Variants in SFXN1 observed in about 807,000 individuals in gnomAD.
The protein encoded by SFXN1 is sideroflexin-1.
In SFXN1, 32 loss-of-function variants were observed where a neutral mutation model predicts 39.5. The observed-to-expected ratio is 0.81, with a 90% CI of 0.61 to 1.09. The LOEUF is 1.09. Among genes scored for constraint, SFXN1 ranks in the 50% least tolerant of loss-of-function variants. The pLI is 0.00. For missense variants in SFXN1, 402 were observed against 407.1 expected (o/e 0.99, Z 0.11); for synonymous variants, 136 against 146.5 (o/e 0.93, Z 0.52).
At chr5:175,501,093 G>C (rs1002222316) in intron 2 of SFXN1, among the ~76,000 whole-genome samples, 1 of 128,196 alleles carries the variant, frequency 7.8e-6, no homozygotes, top group African/African-American at 3.2e-5. Context: ...TTTTGAGACA[G>C]AGTCTCGCTC....
Position 175,510,938 on chromosome 5 carries a change from AAGAG to A in SFXN1, c.435-509_435-506del, listed in dbSNP as rs562519523. Among the ~76,000 whole-genome samples, 13 of 152,350 alleles carry A rather than the reference AAGAG, an allele frequency of 8.5e-5. No homozygotes were observed. The South Asian group carries it at 2.5e-3, about 29-fold the overall frequency. ...TTGCAATTAAAATTTCTTTTAAAAGAAGAGAGAATTGCTTGGGCTTTATAGTTTT... is the reference window on the plus strand; with the variant it reads ...TTGCAATTAAAATTTCTTTTAAAAGAAGAATTGCTTGGGCTTTATAGTTTT... On this transcript the variant is annotated intron_variant, in intron 4 of 10. Coordinates refer to ENST00000321442, the MANE Select transcript of SFXN1 (RefSeq NM_022754.7).
At chr5:175,517,105 G>C (rs979128183) in intron 8 of SFXN1, among the ~76,000 whole-genome samples, 6 of 152,176 alleles carry the variant, frequency 3.9e-5, no homozygotes, top group African/African-American at 1.4e-4. Flanking sequence ...TGGGCATGTT[G>C]CATAAGTTTC....
intron 8 of SFXN1, among the ~76,000 whole-genome samples, chr5:175,519,184 C>G (rs1760804830): frequency 6.6e-6 from 1 of 152,138 alleles, no homozygotes; most frequent in Non-Finnish European, 1.5e-5. Context: ...ATGTCAAAAA[C>G]TAAAAAGATT....
intron 3 of SFXN1, 118 bp downstream of exon 3, chr5:175,509,320 A>G (rs1760430149): frequency 1.2e-5 from 12 of 986,692 alleles, no homozygotes; most frequent in Non-Finnish European, 1.0e-5. Context: ...GAAGTGACAA[A>G]CAAGGTAATT....
At chr5:175,509,704 T>C (rs1472854969) in intron 3 of SFXN1, among the ~76,000 whole-genome samples, 4 of 152,154 alleles carry the variant, frequency 2.6e-5, no homozygotes, top group Non-Finnish European at 4.4e-5. Context: ...AGTGTAGATA[T>C]AGGCACATTA....
At chr5:175,507,401 A>G (rs934844732) in intron 2 of SFXN1, among the ~76,000 whole-genome samples, 4 of 152,200 alleles carry the variant, frequency 2.6e-5, no homozygotes, top group African/African-American at 9.6e-5. Context: ...CTGAAGACAG[A>G]GAGAAATGTT....
chr5:175,509,046 C>T lies in SFXN1; in HGVS notation c.179C>T (p.Pro60Leu). 6.2e-7 allele frequency: 1 copy of T among 1,608,436 alleles called. No homozygotes were observed. Among genetic ancestry groups the T allele is most frequent in the Non-Finnish European group, 8.5e-7 (1 of 1,177,672 alleles). Residue 60 changes from proline (P) to leucine (L), a missense_variant, in exon 3 of 11, where the codon CCT (proline) becomes CTT (leucine). By Grantham distance (98) the Pro-to-Leu change is moderately conservative (BLOSUM62 -3). Coordinates refer to ENST00000321442, the MANE Select transcript of SFXN1 (RefSeq NM_022754.7). ...IVHDYRQGIV[P>L]PGLTENELWR... is the part of the protein sequence containing the mutation. ...TGTTTTCTTAGGCAAGGAATTGTTC[C>T]TCCTGGTCTTACAGAAAATGAATTG... is the stretch of plus-strand genomic sequence containing the variant.
intron 2 of SFXN1, 160 bp downstream of exon 2, chr5:175,492,427 T>C (rs113294299): frequency 0.013 from 8,299 of 627,980 alleles, 112 homozygotes; most frequent in South Asian, 0.027. Flanking sequence ...AAAGACCTGT[T>C]ATATCCCCCA....
At chr5:175,509,264 G>T in intron 3 of SFXN1, 62 bp downstream of exon 3, 1 of 1,478,224 alleles carries the variant, frequency 6.8e-7, no homozygotes, top group Admixed American at 2.3e-5. Context: ...GTATATTTTT[G>T]TATGTAAATA....
At chr5:175,507,354 C>G (rs1760346018) in intron 2 of SFXN1, among the ~76,000 whole-genome samples, 1 of 152,116 alleles carries the variant, frequency 6.6e-6, no homozygotes, top group South Asian at 2.1e-4. Flanking sequence ...TTGGGGGAGA[C>G]ACTGTTCAAC....
At chr5:175,518,570 G>T (rs189659991) in intron 8 of SFXN1, among the ~76,000 whole-genome samples, 1 of 152,154 alleles carries the variant, frequency 6.6e-6, no homozygotes, top group African/African-American at 2.4e-5. Flanking sequence ...GCGCATAGGA[G>T]GTATCTTACC....
intron 2 of SFXN1, among the ~76,000 whole-genome samples, chr5:175,508,456 A>T (rs1043117021): frequency 1.3e-5 from 2 of 151,848 alleles, no homozygotes; most frequent in Non-Finnish European, 2.9e-5. Flanking sequence ...GCTGGTTTTG[A>T]ACTCCTGGGC....
At chr5:175,525,966 G>A (rs190180249) in intron 10 of SFXN1, 1 of 152,128 alleles carries the variant, frequency 6.6e-6, no homozygotes, top group Admixed American at 6.5e-5. Flanking sequence ...AGTTTTTCTG[G>A]TAGGTATTCT....
chr5:175,514,777 G>A (rs1205882281), intron 7 of SFXN1, among the ~76,000 whole-genome samples: 1 of 152,168 alleles, frequency 6.6e-6, no homozygotes, highest in Admixed American at 6.5e-5. Flanking sequence ...GCTATTATCT[G>A]GTTTAACACA....
At chr5:175,501,338 G>A (rs1341536171) in intron 2 of SFXN1, among the ~76,000 whole-genome samples, 2 of 152,168 alleles carry the variant, frequency 1.3e-5, no homozygotes, top group Non-Finnish European at 2.9e-5. Context: ...AAAGTGCTGG[G>A]ATTACAAGTG....
At chr5:175,501,388 GATA>G (rs1051612646) in intron 2 of SFXN1, among the ~76,000 whole-genome samples, 1 of 152,116 alleles carries the variant, frequency 6.6e-6, no homozygotes, top group Admixed American at 6.5e-5. Flanking sequence ...ACATTTCTTA[GATA>G]AGATATAAGA....
At position 175,526,633 on chromosome 5, in the gene SFXN1, C is replaced by A; in HGVS notation, c.873-5C>A. ...AATAACCCTGTCATTTCTCCCTTAT[C>A]CCAGTTCCATGTCTGTGACAAGCTT... On this transcript the variant is annotated splice_region_variant and splice_polypyrimidine_tract_variant and intron_variant, in intron 10 of 10. Transcript: ENST00000321442. 6.2e-7 allele frequency: 1 copy of A among 1,613,546 alleles called. No individual in the cohort carries two copies. Among genetic ancestry groups the A allele is most frequent in the South Asian group, 1.1e-5 (1 of 91,064 alleles).
intron 1 of SFXN1, among the ~76,000 whole-genome samples, chr5:175,482,940 G>A (rs764837678): frequency 3.9e-5 from 6 of 152,120 alleles, no homozygotes; most frequent in Non-Finnish European, 8.8e-5. Flanking sequence ...CTGTGTGTTC[G>A]GTCTTTCCAA....
intron 2 of SFXN1, among the ~76,000 whole-genome samples, chr5:175,495,406 A>G (rs975522807): frequency 3.3e-5 from 5 of 152,190 alleles, no homozygotes; most frequent in African/African-American, 1.2e-4. Flanking sequence ...ATGTGAATGT[A>G]CTTAATGCCA....
Sources: allele counts gnomAD v4.1 joint callset (sites outside exome capture counted in the v4.1 genomes callset), GRCh38; gene constraint gnomAD v4.1.1; transcripts MANE v1.5; gene names NCBI Gene and HGNC (gene_info 2026-07-23, HGNC 2026-07-21).